EXOC4: variants seen among roughly 807,000 people sequenced by gnomAD.
The protein encoded by EXOC4 is SEC8-like 1.
EXOC4 carries 71 observed loss-of-function variants against 107.2 expected under a neutral mutation model. That is an observed-to-expected ratio of 0.66 (90% CI 0.55 to 0.81). EXOC4 has a LOEUF of 0.81. EXOC4 is among the 30% of genes least tolerant of loss of function. The probability of loss-of-function intolerance (pLI) is 0.00; values close to 1 mark genes in which losing one functional copy is unlikely to be tolerated. For missense variants in EXOC4, 1,108 were observed against 1,189.6 expected (o/e 0.93, Z 1.01); for synonymous variants, 456 against 441.2 (o/e 1.03, Z -0.42).
intron 11 of EXOC4, among the ~76,000 whole-genome samples, chr7:133,875,835 A>G (rs1325963260): frequency 6.6e-6 from 1 of 152,178 alleles, no homozygotes; most frequent in Non-Finnish European, 1.5e-5. Flanking sequence ...CATGTCTACC[A>G]TGATACACCT....
intron 2 of EXOC4, among the ~76,000 whole-genome samples, chr7:133,282,527 T>A (rs1794181036): frequency 6.6e-6 from 1 of 152,218 alleles, no homozygotes; most frequent in South Asian, 2.1e-4. Context: ...TTTATAAAAG[T>A]AGAACAGAGT....
the EXOC4 span, among the ~76,000 whole-genome samples, chr7:134,081,540 G>A: frequency 6.5e-4 from 99 of 152,190 alleles, no homozygotes; most frequent in African/African-American, 2.4e-3. Flanking sequence ...TATATCTTTT[G>A]TTCTCTGTAG....
At chr7:134,098,146 C>G in the EXOC4 span, among the ~76,000 whole-genome samples, 1 of 152,224 alleles carries the variant, frequency 6.6e-6, no homozygotes, top group Non-Finnish European at 1.5e-5. Flanking sequence ...CAAACATATT[C>G]TTCAGGCTGG....
intron 10 of EXOC4, among the ~76,000 whole-genome samples, chr7:133,631,153 A>G (rs1802583155): frequency 6.6e-6 from 1 of 152,168 alleles, no homozygotes. Context: ...GTAAAGAACC[A>G]GAGTATATAT....
chr7:133,499,456 C>T (rs963849903), intron 9 of EXOC4, among the ~76,000 whole-genome samples: 6 of 151,976 alleles, frequency 3.9e-5, no homozygotes, highest in African/African-American at 1.5e-4. Context: ...AGGAATGTAT[C>T]ATAGATTAAA....
chr7:134,030,426 A>G (rs545546806), intron 17 of EXOC4, among the ~76,000 whole-genome samples: 4 of 152,362 alleles, frequency 2.6e-5, no homozygotes, highest in African/African-American at 9.6e-5. Flanking sequence ...GATACGTGCT[A>G]CATGCTGCCA....
intron 10 of EXOC4, among the ~76,000 whole-genome samples, chr7:133,798,835 G>C (rs1167311661): frequency 6.6e-6 from 1 of 152,150 alleles, no homozygotes; most frequent in Non-Finnish European, 1.5e-5. Flanking sequence ...TCTACTCAGA[G>C]ACATGAAAAT....
chr7:133,281,320 T>C lies in EXOC4; in HGVS notation c.276+6149T>C, dbSNP rs149876348. ...AATAAATAAATAAATAAAAAGAAAA[T>C]TCAATAAAATACATAATAAAAATGT... On this transcript the variant is annotated intron_variant, in intron 2 of 17. Coordinates refer to ENST00000253861, the MANE Select transcript of EXOC4 (RefSeq NM_021807.4). Among the ~76,000 whole-genome samples the C allele has an allele frequency of 7.2e-3, 1,040 of 143,482 alleles. 13 individuals are homozygous for C. The highest frequency in any genetic ancestry group is 0.026 in the African/African-American group (990 of 37,926). 94.1% of individuals were successfully genotyped at this position (143,482 alleles called of 152,430 possible).
chr7:133,950,570 T>C (rs1227842351), intron 14 of EXOC4, among the ~76,000 whole-genome samples: 1 of 152,224 alleles, frequency 6.6e-6, no homozygotes. Flanking sequence ...TTCAGGGAAG[T>C]ATAGAACTTC....
In EXOC4 at chr7:133,962,832, T is replaced by C. The variant is rs1356862044; in HGVS notation, c.2206+24763T>C. On this transcript the variant is annotated intron_variant, in intron 14 of 17. Transcript: ENST00000253861. ...CAGTCTCATATTCTACAGATGGGTG[T>C]CATTTAATTAAAATATGTATTTAAA... 2.0e-5 allele frequency among the ~76,000 whole-genome samples: 3 copies of C among 152,242 alleles called. No homozygotes were observed. The East Asian group carries it at 5.8e-4, about 29-fold the overall frequency.
intron 11 of EXOC4, among the ~76,000 whole-genome samples, chr7:133,854,408 G>GCACACACACACACACA (rs56849407): frequency 5.7e-5 from 8 of 139,470 alleles, no homozygotes; most frequent in African/African-American, 1.1e-4. Context: ...TGTTGAAAGA[G>GCACACACACACACACA]CACACACACA....
At chr7:133,752,014 T>TAAATAAATAAA (rs75110052) in intron 10 of EXOC4, among the ~76,000 whole-genome samples, 4 of 151,484 alleles carry the variant, frequency 2.6e-5, no homozygotes. Context: ...AATAAATAAA[T>TAAATAAATAAA]TATCTGGGCA....
intron 10 of EXOC4, among the ~76,000 whole-genome samples, chr7:133,763,640 G>A (rs566711665): frequency 1.3e-4 from 20 of 151,488 alleles, no homozygotes; most frequent in African/African-American, 4.6e-4. Flanking sequence ...TGTCATATAG[G>A]ATTGCTTGCA....
chr7:133,776,023 C>T (rs1170098724), intron 10 of EXOC4, among the ~76,000 whole-genome samples: 1 of 152,000 alleles, frequency 6.6e-6, no homozygotes, highest in Admixed American at 6.6e-5. Flanking sequence ...ATTGGGCATT[C>T]TGTAGATAAA....
At chr7:134,060,149 C>T (rs546994612) in intron 17 of EXOC4, among the ~76,000 whole-genome samples, 1 of 152,280 alleles carries the variant, frequency 6.6e-6, no homozygotes, top group South Asian at 2.1e-4. Context: ...GCACATGAGA[C>T]CAGTCTGTGA....
intron 10 of EXOC4, among the ~76,000 whole-genome samples, chr7:133,816,420 A>G (rs1451669277): frequency 1.3e-5 from 2 of 152,192 alleles, no homozygotes; most frequent in Non-Finnish European, 2.9e-5. Context: ...TCTGTTATGT[A>G]TTCTTTAAGG....
chr7:133,991,790 T>C (rs940036609), intron 14 of EXOC4, among the ~76,000 whole-genome samples: 1 of 152,218 alleles, frequency 6.6e-6, no homozygotes, highest in Non-Finnish European at 1.5e-5. Flanking sequence ...CTGGGTTCTC[T>C]ATTCTGTTCC....
chr7:133,363,005 T>C (rs1037004016), intron 6 of EXOC4, among the ~76,000 whole-genome samples: 11 of 152,144 alleles, frequency 7.2e-5, no homozygotes, highest in African/African-American at 2.7e-4. Flanking sequence ...CTGGACATGC[T>C]TGGAATCAGG....
Position 133,696,854 on chromosome 7 carries a change from T to C in EXOC4, c.1514+66713T>C, listed in dbSNP as rs573626568. Reference sequence around the variant, plus strand: ...AATGTCTTATTTGTCACTATATCTCTTGTCCCTGGAACATTATTAGTGTAG... The same window carrying C: ...AATGTCTTATTTGTCACTATATCTCCTGTCCCTGGAACATTATTAGTGTAG... On this transcript the variant is annotated intron_variant, in intron 10 of 17. Transcript: ENST00000253861. 2.6e-5 allele frequency among the ~76,000 whole-genome samples: 4 copies of C among 152,364 alleles called. No individual in the cohort carries two copies. The South Asian group carries it at 8.3e-4, about 32-fold the overall frequency.
Sources: allele counts gnomAD v4.1 joint callset (sites outside exome capture counted in the v4.1 genomes callset), GRCh38; gene constraint gnomAD v4.1.1; transcripts MANE v1.5; gene names NCBI Gene and HGNC (gene_info 2026-07-23, HGNC 2026-07-21).